FABP6: variants seen among roughly 807,000 people sequenced by gnomAD.
FABP6 encodes the protein gastrotropin.
FABP6 carries 13 observed loss-of-function variants against 14.9 expected under a neutral mutation model. That is an observed-to-expected ratio of 0.87 (90% CI 0.57 to 1.39). The LOEUF (loss-of-function observed/expected upper bound fraction) is 1.39. Among genes scored for constraint, FABP6 ranks in the 40% most tolerant of loss-of-function variants. FABP6 has a pLI of 0.00. For synonymous variants in FABP6, 75 were observed against 63.6 expected, an observed-to-expected ratio of 1.18 and a Z score of -0.85; for missense variants, 161 against 167.2, an observed-to-expected ratio of 0.96 and a Z score of 0.20.
intron 2 of FABP6, among the ~76,000 whole-genome samples, chr5:160,205,149 C>T (rs1458560529): frequency 6.6e-6 from 1 of 151,930 alleles, no homozygotes; most frequent in Non-Finnish European, 1.5e-5. Flanking sequence ...AGGGCCGAGT[C>T]TTCCATCTGG....
chr5:160,210,725 G>C (rs1759869747), intron 2 of FABP6, among the ~76,000 whole-genome samples: 2 of 152,206 alleles, frequency 1.3e-5, no homozygotes, highest in Non-Finnish European at 1.5e-5. Flanking sequence ...TTAACCGCTT[G>C]CTCTGCATAA....
At chr5:160,219,460 C>T (rs1025216222) in intron 3 of FABP6, among the ~76,000 whole-genome samples, 1 of 152,108 alleles carries the variant, frequency 6.6e-6, no homozygotes, top group African/African-American at 2.4e-5. Context: ...TTCACCCCTC[C>T]GGGGAGGTTC....
chr5:160,196,300 A>G (rs1382834130), intron 1 of FABP6, among the ~76,000 whole-genome samples: 2 of 152,222 alleles, frequency 1.3e-5, no homozygotes, highest in Non-Finnish European at 2.9e-5. Flanking sequence ...GAGGGTTGAG[A>G]AGGCGGTGAC....
At chr5:160,231,232 CT>C (rs1209996864) in intron 1 of FABP6, among the ~76,000 whole-genome samples, 4 of 152,212 alleles carry the variant, frequency 2.6e-5, no homozygotes, top group Admixed American at 2.0e-4. Flanking sequence ...AATGACTTGG[CT>C]TCACCTATAA....
At chr5:160,208,858 CCT>C (rs1759825667) in intron 2 of FABP6, among the ~76,000 whole-genome samples, 1 of 150,458 alleles carries the variant, frequency 6.6e-6, no homozygotes. Flanking sequence ...CTCACTGCAA[CCT>C]CTGCCTCCCG....
intron 3 of FABP6, among the ~76,000 whole-genome samples, chr5:160,224,222 C>T (rs969376484): frequency 9.3e-5 from 14 of 150,482 alleles, no homozygotes; most frequent in African/African-American, 2.7e-4. Context: ...GGCGAAAGGG[C>T]GAGACTCCAT....
intron 1 of FABP6, chr5:160,197,941 T>TGTGTGTGTGTGTGG (rs1759546024): frequency 6.8e-6 from 1 of 146,126 alleles, no homozygotes; most frequent in Non-Finnish European, 1.5e-5. Context: ...TGTGTGTGTG[T>TGTGTGTGTGTGTGG]GTGTGTGTGT....
chr5:160,188,912 G>A lies in FABP6; in HGVS notation c.-59+1458G>A, dbSNP rs369264173. ...CTGGGTGGTGCTTATCCAGTCTGCC[G>A]CCTTGAGAGAAAATGTTGCCCTGCA... is the stretch of plus-strand genomic sequence containing the variant. On this transcript the variant is annotated intron_variant, in intron 1 of 6. Coordinates refer to the FABP6 transcript ENST00000393980. 2.8e-4 allele frequency among the ~76,000 whole-genome samples: 42 copies of A among 152,282 alleles called. 1 individual carries two copies. In the South Asian group the frequency reaches 6.0e-3, roughly 22 times the overall value.
Position 160,234,707 on chromosome 5 carries a change from A to T in FABP6, c.244-113A>T. ...CTCCCAAAGTGCTGGGATTATAGGC[A>T]TAAGCCACCGTGCCTGGCCTTGGTA... On this transcript the variant is annotated intron_variant, in intron 2 of 3. Transcript: ENST00000402432. The T allele has an allele frequency of 1.2e-5, 8 of 677,966 alleles. No homozygotes were observed. The South Asian group carries it at 1.7e-4, about 14-fold the overall frequency. The allele number at this position is 677,966 out of a possible 1,614,324, so 42.0% of individuals were successfully genotyped here.
At chr5:160,204,265 T>C (rs903055572) in intron 2 of FABP6, among the ~76,000 whole-genome samples, 4 of 151,912 alleles carry the variant, frequency 2.6e-5, no homozygotes, top group Admixed American at 2.6e-4. Context: ...TGCAATGAGC[T>C]ATAATCCTGC....
Position 160,223,100 on chromosome 5 carries a change from C to T in FABP6, c.136-6446C>T, listed in dbSNP as rs1760163005. 2.6e-5 allele frequency among the ~76,000 whole-genome samples: 4 copies of T among 152,224 alleles called. No homozygotes were observed. The South Asian group carries it at 8.3e-4, about 32-fold the overall frequency. ...AGGTGACCTTCCAGCCTCAGTGTCC[C>T]TGAGAAACTGTGTTTTTCACACATC... is the stretch of plus-strand genomic sequence containing the variant. On this transcript the variant is annotated intron_variant, in intron 3 of 6. Coordinates refer to the FABP6 transcript ENST00000393980.
At chr5:160,220,809 C>G (rs1042221938) in intron 3 of FABP6, among the ~76,000 whole-genome samples, 1 of 151,800 alleles carries the variant, frequency 6.6e-6, no homozygotes, top group Non-Finnish European at 1.5e-5. Flanking sequence ...GAGGACAGAC[C>G]GGGCGCCGTG....
chr5:160,188,411 G>C (rs994886159), intron 1 of FABP6, among the ~76,000 whole-genome samples: 1 of 151,954 alleles, frequency 6.6e-6, no homozygotes, highest in African/African-American at 2.4e-5. Flanking sequence ...GCGGACTCTT[G>C]GAACTGGGCG....
intron 2 of FABP6, among the ~76,000 whole-genome samples, chr5:160,205,317 C>CAA (rs1163175404): frequency 0.092 from 6,031 of 65,860 alleles, 418 homozygotes; most frequent in East Asian, 0.36. Context: ...GACTTCATCT[C>CAA]AAAAAAAAAA....
In FABP6 at chr5:160,194,156, G is replaced by C. The variant is rs11954783; in HGVS notation, c.-58-4893G>C. Among the ~76,000 whole-genome samples, 982 of 152,322 alleles carry C rather than the reference G, an allele frequency of 6.4e-3. 10 individuals are homozygous for C. The highest frequency in any genetic ancestry group is 0.023 in the African/African-American group (947 of 41,568). ...TGGCCCAGGTGCTAAGTCCCTCATTGCCCGGGGCCAGCAGGGCCGGCCGGC... is the reference window on the plus strand; with the variant it reads ...TGGCCCAGGTGCTAAGTCCCTCATTCCCCGGGGCCAGCAGGGCCGGCCGGC... On this transcript the variant is annotated intron_variant, in intron 1 of 6. Transcript: ENST00000393980.
intron 1 of FABP6, among the ~76,000 whole-genome samples, chr5:160,193,944 G>A (rs953540698): frequency 6.6e-6 from 1 of 152,254 alleles, no homozygotes; most frequent in Non-Finnish European, 1.5e-5. Flanking sequence ...CGTGGGGCAG[G>A]GGGCGGCGCT....
At chr5:160,222,089 T>G (rs1019011847) in intron 3 of FABP6, among the ~76,000 whole-genome samples, 5 of 133,888 alleles carry the variant, frequency 3.7e-5, no homozygotes, top group Non-Finnish European at 8.1e-5. Flanking sequence ...CCAAATTTTT[T>G]CTTTTCTTTT....
At chr5:160,214,348 A>G (rs1330344950) in intron 3 of FABP6, among the ~76,000 whole-genome samples, 11 of 151,524 alleles carry the variant, frequency 7.3e-5, no homozygotes, top group Admixed American at 7.2e-4. Context: ...AATTTTTTGT[A>G]GAGACACAGT....
intron 3 of FABP6, among the ~76,000 whole-genome samples, chr5:160,222,099 T>C (rs1760141040): frequency 6.7e-6 from 1 of 150,054 alleles, no homozygotes. Context: ...TCTTTTCTTT[T>C]TTTTTTTTTT....
Sources: gnomAD v4.1 joint callset for allele counts (sites outside exome capture counted in the v4.1 genomes callset) on GRCh38, gnomAD v4.1.1 for gene constraint, MANE v1.5 for transcripts, NCBI Gene and HGNC (gene_info 2026-07-23, HGNC 2026-07-21) for gene names.